The following CDH15 variants were observed in gnomAD, a reference collection of about 807,000 sequenced individuals.
CDH15 encodes cadherin-15.
A neutral mutation model predicts 69.4 loss-of-function variants in CDH15; 73 were observed. The observed-to-expected ratio is 1.05, with a 90% CI of 0.87 to 1.28. The LOEUF (loss-of-function observed/expected upper bound fraction) is 1.28. Ranked by LOEUF, CDH15 falls within the 50% of genes most tolerant of loss-of-function variation. The pLI is 0.00. For synonymous variants in CDH15, 624 were observed against 507.7 expected, an observed-to-expected ratio of 1.23 and a Z score of -3.08; for missense variants, 1,343 against 1,133.6, an observed-to-expected ratio of 1.18 and a Z score of -2.65.
rs1915784501 is a variant in CDH15, at chr16:89,195,368, C to A, written c.*213C>A. 1.7e-6 allele frequency: 1 copy of A among 586,214 alleles called. No individual in the cohort carries two copies. The highest frequency in any genetic ancestry group is 3.0e-6 in the Non-Finnish European group (1 of 333,620). 36.3% of individuals were successfully genotyped at this position (586,214 alleles called of 1,614,324 possible). A position where few individuals can be genotyped will look rare whatever the true frequency, so the allele number is the denominator to read the frequency against. On this transcript the variant is annotated 3_prime_UTR_variant, in exon 14 of 14. Coordinates refer to ENST00000289746, the MANE Select transcript of CDH15 (RefSeq NM_004933.3). ...CGGGGTGGGAAGAGTTTCTCTCCAT[C>A]GGCCCCATGCGGGTCACCTCCCTAG...
At chr16:89,183,417 T>G in intron 3 of CDH15, 131 bp from the exon 4 acceptor site, 2 of 1,035,516 alleles carry the variant, frequency 1.9e-6, no homozygotes, top group Non-Finnish European at 2.9e-6. Flanking sequence ...CCTGTGCTGT[T>G]TCTCGCCTGT....
At position 89,191,869 on chromosome 16, in the gene CDH15, G is replaced by A. The variant is rs907784895; in HGVS notation, c.1590G>A (p.Arg530=). ...QLSPRLPELG[R]NWSLSQVNVS... The stretch of plus-strand genomic sequence containing the variant: ...GCCCCAGGCTCCCAGAGCTCGGCCG[G>A]AACTGGAGCCTCAGCCAGGTCAACG... The change falls in exon 10 of 14, where the codon CGG becomes CGA. Residue 530 remains arginine, a synonymous_variant. Transcript: ENST00000289746. 2 of 1,591,726 alleles carry A rather than the reference G, an allele frequency of 1.3e-6. No homozygotes were observed. Among genetic ancestry groups the A allele is most frequent in the Non-Finnish European group, 1.7e-6 (2 of 1,174,844 alleles).
intron 1 of CDH15, 71 bp downstream of exon 1, chr16:89,171,944 GC>G (rs1166102096): frequency 4.2e-6 from 6 of 1,444,620 alleles, no homozygotes; most frequent in Non-Finnish European, 5.6e-6. Context: ...TTCAACTGCA[GC>G]CGCACAGGTC....
At chr16:89,186,332 T>C (rs1915486273) in intron 5 of CDH15, 1 of 131,670 alleles carries the variant, frequency 7.6e-6, no homozygotes, top group Admixed American at 7.3e-5. Context: ...CAGTAGGTGC[T>C]CTGTAAAGGC....
chr16:89,179,677 T>A, intron 2 of CDH15, 103 bp downstream of exon 2: 1 of 1,222,364 alleles, frequency 8.2e-7, no homozygotes, highest in Non-Finnish European at 1.1e-6. Context: ...GGGCCCCATT[T>A]CAGGACAGAG....
intron 7 of CDH15, among the ~76,000 whole-genome samples, chr16:89,189,315 ACACACACATGCCG>A (rs1165002381): frequency 1.9e-3 from 250 of 133,062 alleles, no homozygotes; most frequent in South Asian, 3.6e-3. Flanking sequence ...AGATGCCGGC[ACACACACATGCCG>A]GCACACACAG....
intron 1 of CDH15, among the ~76,000 whole-genome samples, chr16:89,174,972 G>A (rs1171908813): frequency 6.6e-6 from 1 of 152,244 alleles, no homozygotes; most frequent in African/African-American, 2.4e-5. Context: ...CTGGGACGGG[G>A]ATGGGGTGGG....
chr16:89,172,133 G>A (rs1915170531), intron 1 of CDH15, among the ~76,000 whole-genome samples: 1 of 152,146 alleles, frequency 6.6e-6, no homozygotes, highest in African/African-American at 2.4e-5. Flanking sequence ...GGGACCCCAG[G>A]CAGGGGCCAC....
In CDH15 at chr16:89,193,921, C is replaced by G. The variant is rs1445385991; in HGVS notation, c.2151+8C>G. 1 of 1,611,616 alleles carries G rather than the reference C, an allele frequency of 6.2e-7. No homozygotes were observed. The highest frequency in any genetic ancestry group is 1.1e-5 in the South Asian group (1 of 90,980). On this transcript the variant is annotated splice_region_variant and intron_variant, in intron 13 of 13. Transcript: ENST00000289746. ...GCCGACTTCATCAATGATGTAGGTG[C>G]TCCTGGGGACACCCCAGTACACACA...
At position 89,190,429 on chromosome 16, in the gene CDH15, C is replaced by A. The variant is rs368177428; in HGVS notation, c.1165C>A (p.Pro389Thr). ...TCGGACCAGCCTAGCAGAGGGGGCA[C>A]CCCCAGGCACTCTGGTGGCCACCTT... Reference protein sequence around the residue: ...PLRTSLAEGAPPGTLVATFSA... With the variant: ...PLRTSLAEGATPGTLVATFSA... Residue 389 changes from proline to threonine, a missense_variant, in exon 8 of 14, where the codon CCC becomes ACC. Coordinates refer to ENST00000289746, the MANE Select transcript of CDH15 (RefSeq NM_004933.3). 1.2e-6 allele frequency: 2 copies of A among 1,609,848 alleles called. No individual in the cohort carries two copies. The highest frequency in any genetic ancestry group is 1.7e-6 in the Non-Finnish European group (2 of 1,178,924).
chr16:89,185,227 A>G lies in CDH15; in HGVS notation c.557A>G (p.Asn186Ser). ...ATDADDPETD[N>S]AALRFSILQQ... is the part of the protein sequence containing the mutation. Reference sequence around the variant, plus strand: ...GATGCCGACGACCCCGAGACGGACAACGCAGCGCTGCGGTTCTCCATCCTG... The same window carrying G: ...GATGCCGACGACCCCGAGACGGACAGCGCAGCGCTGCGGTTCTCCATCCTG... The change falls in exon 5 of 14, where the codon AAC becomes AGC. Residue 186 changes from asparagine to serine, a missense_variant. Asn to Ser is a conservative substitution (Grantham distance 46, BLOSUM62 1). Transcript: ENST00000289746. 2 of 1,606,220 alleles carry G rather than the reference A, an allele frequency of 1.2e-6. No homozygotes were observed. Among genetic ancestry groups the G allele is most frequent in the Non-Finnish European group, 1.7e-6 (2 of 1,176,854 alleles).
chr16:89,190,871 G>A (rs549777282), intron 8 of CDH15, among the ~76,000 whole-genome samples: 1 of 152,122 alleles, frequency 6.6e-6, no homozygotes, highest in Admixed American at 6.5e-5. Context: ...GCTTAACTAG[G>A]TTGCCACACA....
At position 89,194,889 on chromosome 16, in the gene CDH15, A is replaced by AGT; in HGVS notation, c.2183_2184dup (p.Pro729CysfsTer22). ...CTTGGAGGCTGCAGATAGTGACCCC[A>AGT]GTGTGCCGCCTTACGACACAGCCCT... On this transcript the variant is annotated frameshift_variant, in exon 14 of 14. Coordinates refer to ENST00000289746, the MANE Select transcript of CDH15 (RefSeq NM_004933.3). LOFTEE classifies it low-confidence loss of function (END_TRUNC). 1 of 1,606,806 alleles carries AGT rather than the reference A, an allele frequency of 6.2e-7. No individual in the cohort carries two copies. The highest frequency in any genetic ancestry group is 8.5e-7 in the Non-Finnish European group (1 of 1,176,864).
Position 89,193,488 on chromosome 16 carries a change from C to T in CDH15, c.1874C>T (p.Ala625Val). 1 of 1,611,426 alleles carries T rather than the reference C, an allele frequency of 6.2e-7. No individual in the cohort carries two copies. The highest frequency in any genetic ancestry group is 1.1e-5 in the South Asian group (1 of 90,944). ...TCCCCAGTGCTGGTCCTGCTCGTGG[C>T]ACTCCGGGCGCGGTTCTGGAAGCAG... ...LLLLVLVLLV[A>V]LRARFWKQSR... The change falls in exon 12 of 14, where the codon GCA becomes GTA. Residue 625 changes from alanine (A) to valine (V), a missense_variant. By Grantham distance (64) the Ala-to-Val change is moderately conservative. Coordinates refer to ENST00000289746, the MANE Select transcript of CDH15 (RefSeq NM_004933.3).
chr16:89,171,925 G>C, intron 1 of CDH15, 52 bp downstream of exon 1: 1 of 1,512,524 alleles, frequency 6.6e-7, no homozygotes, highest in South Asian at 1.2e-5. Flanking sequence ...GACGCTGCGG[G>C]ACAGTGTCTT....
At chr16:89,191,178 TGC>T in intron 8 of CDH15, 150 bp from the exon 9 acceptor site, 1 of 831,130 alleles carries the variant, frequency 1.2e-6, no homozygotes, top group Non-Finnish European at 2.0e-6. Context: ...AGGCTGTGTG[TGC>T]GTGTGTATAT....
At chr16:89,175,970 C>CT (rs1915247489) in intron 1 of CDH15, among the ~76,000 whole-genome samples, 1 of 152,250 alleles carries the variant, frequency 6.6e-6, no homozygotes, top group Non-Finnish European at 1.5e-5. Context: ...CCTCTGTGTG[C>CT]TGGGCCAGCC....
At chr16:89,184,300 A>G (rs1915435143) in intron 4 of CDH15, among the ~76,000 whole-genome samples, 5 of 152,094 alleles carry the variant, frequency 3.3e-5, no homozygotes, top group African/African-American at 1.2e-4. Flanking sequence ...TCCTAGCTCC[A>G]GCTGTCCCGG....
Position 89,188,236 on chromosome 16 carries a change from C to T in CDH15, c.929C>T (p.Thr310Ile), listed in dbSNP as rs763854097. ...GAAGGCGACCCCGATGGGCAGTTCA[C>T]CATCCGCACGGACCCCAAGACCAAC... ...ILEGDPDGQF[T>I]IRTDPKTNEG... The change falls in exon 7 of 14, where the codon ACC becomes ATC. Residue 310 changes from threonine (T) to isoleucine (I), a missense_variant. Thr to Ile is a moderately conservative substitution (Grantham distance 89). Coordinates refer to ENST00000289746, the MANE Select transcript of CDH15 (RefSeq NM_004933.3). 1 of 1,613,602 alleles carries T rather than the reference C, an allele frequency of 6.2e-7. No individual in the cohort carries two copies. The highest frequency in any genetic ancestry group is 1.1e-5 in the South Asian group (1 of 91,050).
Sources: allele counts gnomAD v4.1 joint callset (sites outside exome capture counted in the v4.1 genomes callset), GRCh38; gene constraint gnomAD v4.1.1; transcripts MANE v1.5; gene names NCBI Gene and HGNC (gene_info 2026-07-23, HGNC 2026-07-21).